RBFOX1: variants seen among roughly 807,000 people sequenced by gnomAD.
The protein encoded by RBFOX1 is RNA binding fox-1 homolog 1.
A neutral mutation model predicts 57.7 loss-of-function variants in RBFOX1; 8 were observed. The ratio of observed to expected loss-of-function variants is 0.14; its 90% CI spans 0.08 to 0.25. The LOEUF (loss-of-function observed/expected upper bound fraction) is 0.25. Ranked by LOEUF, RBFOX1 falls within the 10% of genes least tolerant of loss-of-function variation. The pLI is 1.00. For missense variants in RBFOX1, 611 were observed against 548.5 expected (o/e 1.11, Z -1.14); for synonymous variants, 326 against 222.4 (o/e 1.47, Z -4.15).
chr16:6,207,530 A>G (rs1334495634), intron 1 of RBFOX1, among the ~76,000 whole-genome samples: 1 of 152,094 alleles, frequency 6.6e-6, no homozygotes, highest in African/African-American at 2.4e-5. Flanking sequence ...AGAAGAAGAG[A>G]TTCAAGGAGA....
intron 4 of RBFOX1, among the ~76,000 whole-genome samples, chr16:7,509,733 A>G (rs947914131): frequency 3.9e-5 from 6 of 152,092 alleles, no homozygotes; most frequent in East Asian, 3.9e-4. Context: ...ACCTATTGCT[A>G]TCTCTCTATC....
At chr16:6,779,600 C>T (rs546988403) in intron 3 of RBFOX1, among the ~76,000 whole-genome samples, 2 of 148,022 alleles carry the variant, frequency 1.4e-5, no homozygotes, top group East Asian at 2.0e-4. Context: ...TACTATTCTC[C>T]AGAGTGGCTG....
chr16:7,213,469 A>G (rs2091511794), intron 4 of RBFOX1, among the ~76,000 whole-genome samples: 1 of 152,170 alleles, frequency 6.6e-6, no homozygotes, highest in Admixed American at 6.5e-5. Flanking sequence ...TCAGACTTTA[A>G]TAGATCTGTT....
At chr16:7,200,915 A>G (rs1329466350) in intron 4 of RBFOX1, among the ~76,000 whole-genome samples, 1 of 152,188 alleles carries the variant, frequency 6.6e-6, no homozygotes. Context: ...AATGGAATAA[A>G]AAAGTGAATG....
chr16:5,902,086 C>G (rs964443459), intron 4 of RBFOX1, among the ~76,000 whole-genome samples: 1 of 152,162 alleles, frequency 6.6e-6, no homozygotes, highest in Non-Finnish European at 1.5e-5. Flanking sequence ...TAATCATATT[C>G]CCTCTTTTGA....
intron 1 of RBFOX1, among the ~76,000 whole-genome samples, chr16:5,347,492 G>T (rs2065165559): frequency 1.3e-5 from 2 of 152,046 alleles, no homozygotes; most frequent in African/African-American, 4.8e-5. Flanking sequence ...TGAAGGCAAG[G>T]ATCATGTCAT....
rs75736747 is a variant in RBFOX1, at chr16:7,153,504, C to T, written c.27+101406C>T. 2.3e-3 allele frequency among the ~76,000 whole-genome samples: 345 copies of T among 151,574 alleles called. 6 individuals are homozygous for T. The East Asian group carries it at 0.043, about 19-fold the overall frequency. The stretch of plus-strand genomic sequence containing the variant: ...GTAATCCCAGCACTTTGGGAGGCTG[C>T]GGCAAGTGAATCACAAGGTCAAGAG... On this transcript the variant is annotated intron_variant, in intron 4 of 15. Transcript: ENST00000550418.
chr16:5,569,388 G>A (rs1596309317), intron 2 of RBFOX1, among the ~76,000 whole-genome samples: 2 of 134,706 alleles, frequency 1.5e-5, no homozygotes, highest in African/African-American at 5.3e-5. Context: ...GAAACAGAAT[G>A]TATGATGCTC....
intron 2 of RBFOX1, among the ~76,000 whole-genome samples, chr16:5,507,549 G>A (rs2043420702): frequency 6.6e-6 from 1 of 152,152 alleles, no homozygotes; most frequent in Non-Finnish European, 1.5e-5. Context: ...GTTGTGGGTT[G>A]AATTGTGTCC....
Position 7,034,853 on chromosome 16 carries a change from T to TTTTTTTTTATTTA in RBFOX1, c.-15-17196_-15-17195insATTTATTTTTTTT, listed in dbSNP as rs1568465494. ...TTTTTTTTTTTTTCTTTTTTCTTTTTTTTTTTTTTTTTTGAGATGGAGTCC... is the reference window on the plus strand; with the variant it reads ...TTTTTTTTTTTTTCTTTTTTCTTTTTTTTTTTTTATTTATTTTTTTTTTTTTGAGATGGAGTCC... On this transcript the variant is annotated intron_variant, in intron 3 of 15. Coordinates refer to ENST00000550418, the MANE Select transcript of RBFOX1 (RefSeq NM_018723.4). 2.9e-3 allele frequency among the ~76,000 whole-genome samples: 189 copies of TTTTTTTTTATTTA among 65,246 alleles called. 3 individuals carry two copies. Among genetic ancestry groups the TTTTTTTTTATTTA allele is most frequent in the African/African-American group, 0.013 (179 of 13,432 alleles). 42.8% of individuals were successfully genotyped at this position (65,246 alleles called of 152,430 possible). A position where few individuals can be genotyped will look rare whatever the true frequency, so the allele number is the denominator to read the frequency against.
At chr16:5,422,821 G>A (rs1422038710) in intron 1 of RBFOX1, among the ~76,000 whole-genome samples, 12 of 136,196 alleles carry the variant, frequency 8.8e-5, no homozygotes, top group African/African-American at 3.1e-4. Context: ...AGGAGGGAGT[G>A]GGAGGAGGAG....
intron 2 of RBFOX1, among the ~76,000 whole-genome samples, chr16:5,536,472 G>A (rs756332692): frequency 6.6e-6 from 1 of 152,026 alleles, no homozygotes; most frequent in African/African-American, 2.4e-5. Flanking sequence ...CTGACCTCAG[G>A]TGATCTGTCT....
chr16:5,919,880 C>T (rs150674000), intron 4 of RBFOX1, among the ~76,000 whole-genome samples: 3 of 152,206 alleles, frequency 2.0e-5, no homozygotes, highest in Non-Finnish European at 4.4e-5. Context: ...CCCTTTCTCT[C>T]TGCCTTTTTT....
At chr16:6,680,294 T>TTTTTG (rs60731674) in intron 3 of RBFOX1, among the ~76,000 whole-genome samples, 97 of 102,990 alleles carry the variant, frequency 9.4e-4, no homozygotes, top group African/African-American at 2.9e-3. Flanking sequence ...TTTTTTTTTT[T>TTTTTG]ATTTGTCGCC....
At chr16:7,173,986 A>T (rs2081199989) in intron 4 of RBFOX1, among the ~76,000 whole-genome samples, 1 of 152,184 alleles carries the variant, frequency 6.6e-6, no homozygotes, top group Non-Finnish European at 1.5e-5. Flanking sequence ...TCCAAGAAAG[A>T]GTTCAGTCAA....
upstream of RBFOX1, chr16:5,239,783 C>T (rs957399028): frequency 2.2e-5 from 14 of 625,354 alleles, no homozygotes; most frequent in African/African-American, 4.0e-5. Context: ...AGCTCCGCGC[C>T]GCGCGGACCC....
At chr16:7,197,838 A>C (rs531906674) in intron 4 of RBFOX1, among the ~76,000 whole-genome samples, 2 of 152,146 alleles carry the variant, frequency 1.3e-5, no homozygotes, top group Non-Finnish European at 2.9e-5. Context: ...ATGTTATTCC[A>C]TTTCCGTGAA....
chr16:7,200,268 G>A (rs906972376), intron 4 of RBFOX1, among the ~76,000 whole-genome samples: 3 of 152,162 alleles, frequency 2.0e-5, no homozygotes, highest in African/African-American at 7.2e-5. Context: ...ATTTAAAGCA[G>A]GTAGGTTTTC....
At chr16:6,974,247 A>T (rs2086254097) in intron 3 of RBFOX1, among the ~76,000 whole-genome samples, 1 of 151,872 alleles carries the variant, frequency 6.6e-6, no homozygotes, top group Non-Finnish European at 1.5e-5. Context: ...CTATGAATGC[A>T]GAGAGGCATG....
Sources: gnomAD v4.1 joint callset for allele counts (sites outside exome capture counted in the v4.1 genomes callset) on GRCh38, gnomAD v4.1.1 for gene constraint, MANE v1.5 for transcripts, NCBI Gene and HGNC (gene_info 2026-07-23, HGNC 2026-07-21) for gene names.